Variants in SERTM1 observed in about 807,000 individuals in gnomAD.
SERTM1 encodes serine-rich and transmembrane domain-containing protein 1.
Under a neutral mutation model 5.5 loss-of-function variants are expected in SERTM1, and 1 was observed. That is an observed-to-expected ratio of 0.18 (90% CI 0.06 to 0.86). SERTM1 has a LOEUF of 0.86. Among genes scored for constraint, SERTM1 ranks in the 40% least tolerant of loss-of-function variants. The probability of loss-of-function intolerance (pLI) is 0.69; values close to 1 mark genes in which losing one functional copy is unlikely to be tolerated. For synonymous variants in SERTM1, 52 were observed against 55.1 expected, an observed-to-expected ratio of 0.94 and a Z score of 0.25; for missense variants, 91 against 122.4, an observed-to-expected ratio of 0.74 and a Z score of 1.21.
intron 1 of SERTM1, among the ~76,000 whole-genome samples, chr13:36,689,460 A>G (rs1195578390): frequency 1.3e-5 from 2 of 150,938 alleles, no homozygotes; most frequent in East Asian, 3.9e-4. Context: ...AGCCGAGATC[A>G]TGCCACTGCA....
At position 36,695,390 on chromosome 13, in the gene SERTM1, C is replaced by A. The variant is rs2056806758; in HGVS notation, c.312C>A (p.Asn104Lys). The change falls in exon 2 of 2, where the codon AAC becomes AAA. Residue 104 changes from asparagine to lysine, a missense_variant. By Grantham distance (94) the Asn-to-Lys change is moderately conservative. Coordinates refer to ENST00000315190, the MANE Select transcript of SERTM1 (RefSeq NM_203451.3). ...SISSQRSTFS[N>K]LSS The stretch of plus-strand genomic sequence containing the variant: ...CCTCTCAGAGGTCCACTTTTTCAAA[C>A]CTTTCATCCTGAGGAAAATGGAAGA... 6.2e-7 allele frequency: 1 copy of A among 1,612,392 alleles called. No individual in the cohort carries two copies. The highest frequency in any genetic ancestry group is 8.5e-7 in the Non-Finnish European group (1 of 1,179,284).
rs55975165 is a variant in SERTM1, at chr13:36,693,408, T to C, written c.-173-1498T>C. On this transcript the variant is annotated intron_variant, in intron 1 of 1. Coordinates refer to ENST00000315190, the MANE Select transcript of SERTM1 (RefSeq NM_203451.3). ...TTCTTCTTCTTCTTTTTTTTTTTTT[T>C]CCTTAAGGTTGGTTAGGAACCTATA... Among the ~76,000 whole-genome samples, 1,429 of 151,724 alleles carry C rather than the reference T, an allele frequency of 9.4e-3. 23 individuals are homozygous for C. Among genetic ancestry groups the C allele is most frequent in the African/African-American group, 0.033 (1,382 of 41,374 alleles).
At chr13:36,694,694 C>A (rs758270517) in intron 1 of SERTM1, among the ~76,000 whole-genome samples, 1 of 152,192 alleles carries the variant, frequency 6.6e-6, no homozygotes, top group Non-Finnish European at 1.5e-5. Context: ...AGAAACATAG[C>A]ACCTAGGGTA....
At chr13:36,675,853 C>T (rs894587982) in intron 1 of SERTM1, among the ~76,000 whole-genome samples, 18 of 152,288 alleles carry the variant, frequency 1.2e-4, no homozygotes, top group African/African-American at 4.3e-4. Context: ...TATTGAGATC[C>T]AGCACGTGGG....
intron 1 of SERTM1, among the ~76,000 whole-genome samples, chr13:36,677,198 C>T (rs947674473): frequency 2.6e-5 from 4 of 151,972 alleles, no homozygotes; most frequent in Non-Finnish European, 4.4e-5. Flanking sequence ...ATTATTTAGC[C>T]TTTACTAACT....
chr13:36,674,345 G>A (rs2056656653), intron 1 of SERTM1, among the ~76,000 whole-genome samples, 161 bp downstream of exon 1: 1 of 152,012 alleles, frequency 6.6e-6, no homozygotes, highest in Admixed American at 6.5e-5. Context: ...GCTCCTTTCT[G>A]AGAAACACCC....
chr13:36,687,781 C>T (rs560488791), intron 1 of SERTM1, among the ~76,000 whole-genome samples: 81 of 152,006 alleles, frequency 5.3e-4, no homozygotes, highest in African/African-American at 1.5e-3. Flanking sequence ...ACAACAACAA[C>T]GTAATAAGAC....
rs189438561 is a variant in SERTM1 at position 36,674,552 on chromosome 13, G to T, written c.-174+368G>T. 2.3e-3 allele frequency among the ~76,000 whole-genome samples: 343 copies of T among 152,160 alleles called. 2 individuals are homozygous for T. The highest frequency in any genetic ancestry group is 7.7e-3 in the African/African-American group (318 of 41,520). On this transcript the variant is annotated intron_variant, in intron 1 of 1. Coordinates refer to ENST00000315190, the MANE Select transcript of SERTM1 (RefSeq NM_203451.3). ...AGGTCTACCCTCGCTCTGCAAGGTG[G>T]ATTCCTCCATGCAAGTGTAGACAGT...
At chr13:36,677,369 C>T (rs2056676961) in intron 1 of SERTM1, among the ~76,000 whole-genome samples, 1 of 152,150 alleles carries the variant, frequency 6.6e-6, no homozygotes, top group Non-Finnish European at 1.5e-5. Context: ...GGGTACATCA[C>T]TAATATTTTC....
intron 1 of SERTM1, among the ~76,000 whole-genome samples, chr13:36,690,581 T>A (rs1423212148): frequency 1.3e-5 from 2 of 152,054 alleles, no homozygotes; most frequent in African/African-American, 4.8e-5. Context: ...GAGAAGATAA[T>A]CATGCAAAGG....
chr13:36,693,375 T>C (rs1012353715), intron 1 of SERTM1, among the ~76,000 whole-genome samples: 5 of 151,388 alleles, frequency 3.3e-5, no homozygotes, highest in Non-Finnish European at 7.4e-5. Context: ...GCAGTCCCAC[T>C]GCGATTCTTC....
At chr13:36,686,396 A>G (rs529229903) in intron 1 of SERTM1, among the ~76,000 whole-genome samples, 3 of 152,234 alleles carry the variant, frequency 2.0e-5, no homozygotes, top group Admixed American at 6.5e-5. Context: ...ATATTTTCTT[A>G]AGTTCCTTGG....
At position 36,675,620 on chromosome 13, in the gene SERTM1, A is replaced by C. The variant is rs2056665097; in HGVS notation, c.-174+1436A>C. On this transcript the variant is annotated intron_variant, in intron 1 of 1. Transcript: ENST00000315190. ...TTCTTAAATATCTTTTTTGTAACTAAATTCTCTTCATTTTACTAAGTAGAG... is the reference window on the plus strand; with the variant it reads ...TTCTTAAATATCTTTTTTGTAACTACATTCTCTTCATTTTACTAAGTAGAG... 3.9e-5 allele frequency among the ~76,000 whole-genome samples: 6 copies of C among 152,176 alleles called. No individual in the cohort carries two copies. In the South Asian group the frequency reaches 1.0e-3, roughly 26 times the overall value.
chr13:36,693,574 A>G (rs1173750232), intron 1 of SERTM1, among the ~76,000 whole-genome samples: 1 of 152,152 alleles, frequency 6.6e-6, no homozygotes, highest in Non-Finnish European at 1.5e-5. Context: ...CCCAACAGGG[A>G]CAGCCCTCTC....
intron 1 of SERTM1, among the ~76,000 whole-genome samples, chr13:36,683,377 T>A (rs1213348713): frequency 6.6e-6 from 1 of 152,038 alleles, no homozygotes; most frequent in Non-Finnish European, 1.5e-5. Context: ...TTCATACAAC[T>A]CTCAATTATT....
intron 1 of SERTM1, among the ~76,000 whole-genome samples, chr13:36,679,864 G>T (rs560488503): frequency 6.6e-6 from 1 of 152,256 alleles, no homozygotes; most frequent in African/African-American, 2.4e-5. Flanking sequence ...ACCACAAATT[G>T]TTCACATGGG....
Position 36,695,189 on chromosome 13 carries a change from C to T in SERTM1, c.111C>T (p.His37=), listed in dbSNP as rs1222981804. Residue 37 remains histidine (H), a synonymous_variant, in exon 2 of 2, where the codon CAC becomes CAT. Coordinates refer to ENST00000315190, the MANE Select transcript of SERTM1 (RefSeq NM_203451.3). Reference sequence around the variant, plus strand: ...CGTCAGTGGACCCATCCTCAGGCCACCTGTCAAACGTCTACATCTATGTGT... The same window carrying T: ...CGTCAGTGGACCCATCCTCAGGCCATCTGTCAAACGTCTACATCTATGTGT... ...LSTSVDPSSG[H]LSNVYIYVSI... is the part of the protein sequence containing the mutation. 8 of 1,614,228 alleles carry T rather than the reference C, an allele frequency of 5.0e-6. No individual in the cohort carries two copies. Among genetic ancestry groups the T allele is most frequent in the South Asian group, 3.3e-5 (3 of 91,084 alleles).
At chr13:36,685,542 C>T (rs2056735064) in intron 1 of SERTM1, among the ~76,000 whole-genome samples, 1 of 152,190 alleles carries the variant, frequency 6.6e-6, no homozygotes, top group Non-Finnish European at 1.5e-5. Context: ...AAGCACTATT[C>T]ATATAAATGT....
At chr13:36,685,692 A>G (rs552755455) in intron 1 of SERTM1, among the ~76,000 whole-genome samples, 67 of 152,318 alleles carry the variant, frequency 4.4e-4, no homozygotes, top group South Asian at 1.2e-3. Context: ...TTGCTACACT[A>G]GAGAACTCAC....
Sources: allele counts gnomAD v4.1 joint callset (sites outside exome capture counted in the v4.1 genomes callset), GRCh38; gene constraint gnomAD v4.1.1; transcripts MANE v1.5; gene names NCBI Gene and HGNC (gene_info 2026-07-23, HGNC 2026-07-21).